The following SAMD5 variants were observed in gnomAD, a reference collection of about 807,000 sequenced individuals.
The protein encoded by SAMD5 is sterile alpha motif domain-containing protein 5.
In SAMD5, 13 loss-of-function variants were observed where a neutral mutation model predicts 11.3. That is an observed-to-expected ratio of 1.15 (90% confidence interval 0.75 to 1.83). The LOEUF (loss-of-function observed/expected upper bound fraction) is 1.83, where lower values mean the gene tolerates loss of function less well. Ranked by LOEUF, SAMD5 falls within the 40% of genes most tolerant of loss-of-function variation. The pLI, the probability that SAMD5 is intolerant of heterozygous loss-of-function variation, is 0.00. For synonymous variants in SAMD5, 129 were observed against 111.3 expected, an observed-to-expected ratio of 1.16 and a Z score of -1.00; for missense variants, 255 against 239.1, an observed-to-expected ratio of 1.07 and a Z score of -0.44.
the SAMD5 span, among the ~76,000 whole-genome samples, chr6:147,916,767 T>A: frequency 7.0e-6 from 1 of 143,126 alleles, no homozygotes; most frequent in African/African-American, 2.6e-5. Flanking sequence ...CGATGTGTTC[T>A]CATTGTTCAA....
chr6:147,851,080 G>A, the SAMD5 span, among the ~76,000 whole-genome samples: 2,076 of 151,564 alleles, frequency 0.014, 45 homozygotes, highest in African/African-American at 0.046. Flanking sequence ...CCAAGTAGCT[G>A]GGATTACAGG....
At chr6:147,756,981 A>G in the SAMD5 span, among the ~76,000 whole-genome samples, 1 of 152,192 alleles carries the variant, frequency 6.6e-6, no homozygotes, top group Admixed American at 6.5e-5. Context: ...AGAACTCCAC[A>G]TTAATTTTTT....
In SAMD5 at chr6:147,595,708, G is replaced by C. The variant is rs1004589582; in HGVS notation, c.162+86321G>C. 5.1e-4 allele frequency among the ~76,000 whole-genome samples: 77 copies of C among 151,704 alleles called. 1 individual carries two copies. Among genetic ancestry groups the C allele is most frequent in the African/African-American group, 1.8e-3 (74 of 41,276 alleles). On this transcript the variant is annotated intron_variant, in intron 1 of 1. Transcript: ENST00000566741. ...CACCCAGCTAATTTTTGTATTTTTAGTAGAGACAGTGTTTCACCATGTTGG... is the reference window on the plus strand; with the variant it reads ...CACCCAGCTAATTTTTGTATTTTTACTAGAGACAGTGTTTCACCATGTTGG...
At chr6:147,733,021 C>T (rs567128470) in intron 1 of SAMD5, among the ~76,000 whole-genome samples, 3 of 152,318 alleles carry the variant, frequency 2.0e-5, no homozygotes, top group African/African-American at 7.2e-5. Flanking sequence ...TTGTGTATTT[C>T]GTTGGGTGTC....
chr6:147,864,133 C>T, the SAMD5 span, among the ~76,000 whole-genome samples: 4,686 of 152,200 alleles, frequency 0.031, 120 homozygotes, highest in Non-Finnish European at 0.042. Flanking sequence ...TGAGCCACCA[C>T]GTCCAGCTGG....
chr6:147,669,112 A>G (rs559208287), intron 1 of SAMD5, among the ~76,000 whole-genome samples: 1 of 152,288 alleles, frequency 6.6e-6, no homozygotes, highest in South Asian at 2.1e-4. Flanking sequence ...TGCCACATCA[A>G]TGGACTCTTC....
chr6:147,927,091 G>A, the SAMD5 span, among the ~76,000 whole-genome samples: 1 of 152,124 alleles, frequency 6.6e-6, no homozygotes, highest in Non-Finnish European at 1.5e-5. Flanking sequence ...TGGAAGTTGG[G>A]TAAAGTAATG....
chr6:147,950,019 C>G, the SAMD5 span, among the ~76,000 whole-genome samples: 1 of 152,068 alleles, frequency 6.6e-6, no homozygotes. Context: ...AATGTTAGAG[C>G]AGAAGGTATA....
the SAMD5 span, among the ~76,000 whole-genome samples, chr6:147,839,762 A>G: frequency 6.6e-6 from 1 of 152,208 alleles, no homozygotes; most frequent in South Asian, 2.1e-4. Context: ...AAGAAAAACA[A>G]AAGGTAAAAA....
the SAMD5 span, among the ~76,000 whole-genome samples, chr6:147,846,986 T>G: frequency 6.6e-6 from 1 of 152,210 alleles, no homozygotes; most frequent in African/African-American, 2.4e-5. Flanking sequence ...TTACAAATCA[T>G]GAACTACTTG....
chr6:147,756,798 T>A, the SAMD5 span, among the ~76,000 whole-genome samples: 5 of 152,234 alleles, frequency 3.3e-5, no homozygotes, highest in Admixed American at 6.5e-5. Context: ...GTTTTCACCA[T>A]TTTTATGAAT....
chr6:147,767,321 T>TA, the SAMD5 span, among the ~76,000 whole-genome samples: 3,782 of 150,038 alleles, frequency 0.025, 221 homozygotes, highest in African/African-American at 0.091. Flanking sequence ...TTGATGCAGT[T>TA]ACAACAAAAA....
chr6:147,550,221 G>C (rs1480441329), intron 1 of SAMD5, among the ~76,000 whole-genome samples: 1 of 152,088 alleles, frequency 6.6e-6, no homozygotes, highest in African/African-American at 2.4e-5. Flanking sequence ...CGGGGCAACA[G>C]AATGAGACTC....
intron 1 of SAMD5, among the ~76,000 whole-genome samples, chr6:147,622,664 C>T (rs1008445713): frequency 6.6e-6 from 1 of 152,182 alleles, no homozygotes. Context: ...TTTCTCAGGC[C>T]ATGCGACAGG....
intron 1 of SAMD5, among the ~76,000 whole-genome samples, chr6:147,582,723 G>A (rs182567117): frequency 7.7e-4 from 118 of 152,298 alleles, no homozygotes; most frequent in African/African-American, 2.6e-3. Context: ...TCTCTCTGCC[G>A]TTTCTATTGG....
chr6:147,713,530 A>G (rs1791427216), intron 1 of SAMD5, among the ~76,000 whole-genome samples: 1 of 152,196 alleles, frequency 6.6e-6, no homozygotes, highest in Non-Finnish European at 1.5e-5. Context: ...GGGTCAGCCA[A>G]CATCATCTGG....
At chr6:147,727,736 C>G (rs1288438931) in intron 1 of SAMD5, among the ~76,000 whole-genome samples, 1 of 151,958 alleles carries the variant, frequency 6.6e-6, no homozygotes, top group Non-Finnish European at 1.5e-5. Context: ...AACAATTATC[C>G]TCTGTTGGTT....
intron 1 of SAMD5, among the ~76,000 whole-genome samples, chr6:147,594,555 T>C (rs773012465): frequency 6.6e-6 from 1 of 152,222 alleles, no homozygotes; most frequent in Non-Finnish European, 1.5e-5. Flanking sequence ...GTTTCCACTT[T>C]AAAGTCTATT....
At chr6:147,798,061 A>AT in the SAMD5 span, among the ~76,000 whole-genome samples, 1 of 146,696 alleles carries the variant, frequency 6.8e-6, no homozygotes, top group East Asian at 2.0e-4. Context: ...TTTTGTCTCT[A>AT]TTTCCTTCAG....
Sources: gnomAD v4.1 joint callset for allele counts (sites outside exome capture counted in the v4.1 genomes callset) on GRCh38, gnomAD v4.1.1 for gene constraint, MANE v1.5 for transcripts, NCBI Gene and HGNC (gene_info 2026-07-23, HGNC 2026-07-21) for gene names.